The following NAT1 variants were observed in gnomAD, a reference collection of about 807,000 sequenced individuals.
NAT1 encodes N-acetyltransferase 1.
For synonymous variants in NAT1, 144 were observed against 122.6 expected (o/e 1.17, Z -1.16); for missense variants, 400 against 339.2 (o/e 1.18, Z -1.41).
upstream of NAT1, among the ~76,000 whole-genome samples, chr8:18,208,713 T>A (rs999092599): frequency 1.3e-5 from 2 of 152,176 alleles, no homozygotes; most frequent in East Asian, 1.9e-4. Context: ...TGGAGGCTAG[T>A]GCTGACCCCA....
chr8:18,192,814 G>T (rs1409924006), intron 2 of NAT1, among the ~76,000 whole-genome samples: 1 of 151,488 alleles, frequency 6.6e-6, no homozygotes, highest in African/African-American at 2.4e-5. Context: ...CACAGGAAGG[G>T]GAACATCACA....
intron 2 of NAT1, among the ~76,000 whole-genome samples, chr8:18,199,965 A>G (rs557057669): frequency 6.6e-6 from 1 of 152,372 alleles, no homozygotes; most frequent in Non-Finnish European, 1.5e-5. Flanking sequence ...ACAATGAGAT[A>G]CCATCCCCCA....
chr8:18,185,531 G>A (rs142765078), intron 2 of NAT1, among the ~76,000 whole-genome samples: 139 of 152,040 alleles, frequency 9.1e-4, no homozygotes, highest in African/African-American at 3.2e-3. Flanking sequence ...GTCTTTGTGC[G>A]TTCCCTCTCT....
chr8:18,187,404 T>A (rs1216410924), intron 2 of NAT1, among the ~76,000 whole-genome samples: 1 of 152,220 alleles, frequency 6.6e-6, no homozygotes, highest in African/African-American at 2.4e-5. Flanking sequence ...ATATGTATGT[T>A]CATTGCAGCA....
intron 1 of NAT1, among the ~76,000 whole-genome samples, chr8:18,215,146 T>C (rs1804509173): frequency 6.6e-6 from 1 of 152,240 alleles, no homozygotes; most frequent in African/African-American, 2.4e-5. Flanking sequence ...GATCTTGTTC[T>C]TTTTCGTGGC....
intron 2 of NAT1, among the ~76,000 whole-genome samples, chr8:18,202,105 A>G (rs1471510493): frequency 6.6e-6 from 1 of 152,236 alleles, no homozygotes; most frequent in African/African-American, 2.4e-5. Flanking sequence ...AAATTGTAGG[A>G]TGAAGACATT....
At chr8:18,184,321 T>A (rs994801976) in intron 2 of NAT1, among the ~76,000 whole-genome samples, 9 of 152,154 alleles carry the variant, frequency 5.9e-5, no homozygotes, top group Non-Finnish European at 1.0e-4. Context: ...ATCAGAGTCC[T>A]GAGACAGCCC....
chr8:18,218,187 G>A (rs943527844), intron 1 of NAT1, among the ~76,000 whole-genome samples: 1 of 152,076 alleles, frequency 6.6e-6, no homozygotes, highest in East Asian at 1.9e-4. Flanking sequence ...GCCACAAGAC[G>A]ATGTTTCAAC....
At chr8:18,183,949 C>T (rs1466900597) in intron 2 of NAT1, among the ~76,000 whole-genome samples, 4 of 152,200 alleles carry the variant, frequency 2.6e-5, no homozygotes, top group Non-Finnish European at 5.9e-5. Flanking sequence ...TCAGCCCACA[C>T]AGCATCTCTC....
chr8:18,208,081 T>C (rs1322343663), upstream of NAT1, among the ~76,000 whole-genome samples: 2 of 146,962 alleles, frequency 1.4e-5, no homozygotes, highest in Non-Finnish European at 3.0e-5. Context: ...GACATGGACA[T>C]AGGGAGGGGA....
At chr8:18,215,944 A>T (rs533456165) in intron 1 of NAT1, among the ~76,000 whole-genome samples, 4 of 152,184 alleles carry the variant, frequency 2.6e-5, no homozygotes, top group East Asian at 3.9e-4. Flanking sequence ...TTCTCTGAAG[A>T]TGATTTTAAG....
upstream of NAT1, among the ~76,000 whole-genome samples, chr8:18,206,167 G>C (rs1803710547): frequency 6.6e-6 from 1 of 152,170 alleles, no homozygotes; most frequent in Admixed American, 6.5e-5. Context: ...GAGACTCGTG[G>C]TGAAAGTGAG....
At chr8:18,174,194 G>A (rs1438018755) in intron 2 of NAT1, among the ~76,000 whole-genome samples, 1 of 152,162 alleles carries the variant, frequency 6.6e-6, no homozygotes, top group Admixed American at 6.5e-5. Flanking sequence ...TTAGCCACAT[G>A]AATGTCTGTT....
chr8:18,220,241 G>C (rs1805144318), intron 2 of NAT1, among the ~76,000 whole-genome samples: 1 of 152,198 alleles, frequency 6.6e-6, no homozygotes, highest in Non-Finnish European at 1.5e-5. Flanking sequence ...AATAGATTTG[G>C]AGAAATGATG....
chr8:18,194,747 G>C (rs186816866), intron 2 of NAT1, among the ~76,000 whole-genome samples: 97 of 152,138 alleles, frequency 6.4e-4, no homozygotes, highest in African/African-American at 2.2e-3. Flanking sequence ...TTGAACCCTG[G>C]GGGTGGAGGT....
At chr8:18,171,768 C>G (rs2157651) in intron 2 of NAT1, among the ~76,000 whole-genome samples, 4 of 151,990 alleles carry the variant, frequency 2.6e-5, no homozygotes, top group African/African-American at 9.7e-5. Flanking sequence ...GAGCTAGAAA[C>G]GCAACAAGGA....
intron 2 of NAT1, among the ~76,000 whole-genome samples, chr8:18,171,887 G>A (rs1165150002): frequency 6.6e-6 from 1 of 152,174 alleles, no homozygotes; most frequent in Non-Finnish European, 1.5e-5. Context: ...TTGCCAAACT[G>A]GTAGCGATCT....
At chr8:18,201,047 T>C (rs1196263091) in intron 2 of NAT1, 1 of 152,152 alleles carries the variant, frequency 6.6e-6, no homozygotes, top group Non-Finnish European at 1.5e-5. Flanking sequence ...GATGCTAAAA[T>C]GAAATGTAAA....
At chr8:18,213,535 G>A (rs1804317896) in intron 1 of NAT1, among the ~76,000 whole-genome samples, 1 of 151,994 alleles carries the variant, frequency 6.6e-6, no homozygotes, top group Non-Finnish European at 1.5e-5. Flanking sequence ...CCTCTAACTA[G>A]GGACTTTTCA....
Sources: allele counts gnomAD v4.1 joint callset (sites outside exome capture counted in the v4.1 genomes callset), GRCh38; gene constraint gnomAD v4.1.1; transcripts MANE v1.5; gene names NCBI Gene and HGNC (gene_info 2026-07-23, HGNC 2026-07-21).